BFAR: variants seen among roughly 807,000 people sequenced by gnomAD.
BFAR encodes the protein bifunctional apoptosis regulator.
Under a neutral mutation model 54.4 loss-of-function variants are expected in BFAR, and 52 were observed. That is an observed-to-expected ratio of 0.96 (90% CI 0.77 to 1.21). The LOEUF is 1.21. BFAR is among the 50% of genes most tolerant of loss of function. The probability of loss-of-function intolerance (pLI) is 0.00; values close to 1 mark genes in which losing one functional copy is unlikely to be tolerated. For synonymous variants in BFAR, 215 were observed against 204.3 expected (o/e 1.05, Z -0.45); for missense variants, 571 against 534.0 (o/e 1.07, Z -0.68).
chr16:14,655,927 G>A (rs948456954), intron 5 of BFAR, among the ~76,000 whole-genome samples: 2 of 152,056 alleles, frequency 1.3e-5, no homozygotes, highest in African/African-American at 2.4e-5. Flanking sequence ...GTGAGGCTCT[G>A]GGCTGGTCAC....
intron 5 of BFAR, 140 bp downstream of exon 5, chr16:14,655,350 CCTT>C (rs1298404007): frequency 1.3e-5 from 10 of 785,224 alleles, no homozygotes; most frequent in East Asian, 1.1e-4. Context: ...GAGACAGAGT[CCTT>C]CTCTGTCGCC....
At chr16:14,664,846 G>A (rs1455536870) in intron 6 of BFAR, 23 bp from the exon 7 acceptor site, 1 of 1,598,880 alleles carries the variant, frequency 6.3e-7, no homozygotes, top group Admixed American at 1.7e-5. Context: ...ATGACTTTTT[G>A]CGTCTGTGTG....
intron 4 of BFAR, among the ~76,000 whole-genome samples, chr16:14,652,606 A>T (rs1294665892): frequency 6.6e-6 from 1 of 152,036 alleles, no homozygotes; most frequent in African/African-American, 2.4e-5. Context: ...TTTTAAAAAA[A>T]TAATAACTAT....
At chr16:14,642,460 A>T (rs773514083) in intron 1 of BFAR, among the ~76,000 whole-genome samples, 1 of 152,196 alleles carries the variant, frequency 6.6e-6, no homozygotes, top group Non-Finnish European at 1.5e-5. Flanking sequence ...ATTTAAAAAA[A>T]TTTTTAAAAA....
intron 4 of BFAR, among the ~76,000 whole-genome samples, chr16:14,654,491 T>C (rs1960064714): frequency 6.9e-6 from 1 of 145,444 alleles, no homozygotes; most frequent in Admixed American, 7.3e-5. Flanking sequence ...AAGTGAGTTT[T>C]CCTTTTTTTT....
intron 1 of BFAR, among the ~76,000 whole-genome samples, chr16:14,636,917 C>T (rs12444327): frequency 3.3e-5 from 5 of 152,270 alleles, no homozygotes; most frequent in South Asian, 2.1e-4. Flanking sequence ...TTGTACCGCC[C>T]GTAATCCATT....
At chr16:14,667,092 A>G (rs548046923) in intron 7 of BFAR, among the ~76,000 whole-genome samples, 1 of 152,102 alleles carries the variant, frequency 6.6e-6, no homozygotes, top group African/African-American at 2.4e-5. Context: ...AGTCCCAGCT[A>G]CTCGGGAGGT....
chr16:14,639,074 G>T (rs780167506), intron 1 of BFAR, among the ~76,000 whole-genome samples: 35 of 152,116 alleles, frequency 2.3e-4, no homozygotes, highest in Admixed American at 9.2e-4. Context: ...AGCAAACAGG[G>T]TGCCACTGCC....
chr16:14,650,344 A>G (rs754108170), intron 4 of BFAR: 2 of 168,996 alleles, frequency 1.2e-5, no homozygotes, highest in Non-Finnish European at 2.5e-5. Flanking sequence ...AGAGAGAGAG[A>G]GAGATGTAAT....
chr16:14,661,945 C>G lies in BFAR; in HGVS notation c.837C>G (p.Pro279=). The G allele has an allele frequency of 6.2e-7, 1 of 1,614,170 alleles. No homozygotes were observed. Among genetic ancestry groups the G allele is most frequent in the Non-Finnish European group, 8.5e-7 (1 of 1,180,036 alleles). Residue 279 remains proline (P), a synonymous_variant, in exon 6 of 8, where the codon CCC becomes CCG. Coordinates refer to ENST00000261658, the MANE Select transcript of BFAR (RefSeq NM_016561.3). ...TGCTATACGCCCTCAAGAGCTCCCC[C>G]AGGCTGAGTCTGCTCTACCTGTACC... ...LFLLYALKSS[P]RLSLLYLYLF...
intron 2 of BFAR, among the ~76,000 whole-genome samples, chr16:14,648,131 G>T (rs1290876660): frequency 2.0e-5 from 3 of 152,088 alleles, no homozygotes; most frequent in African/African-American, 4.8e-5. Context: ...GGTGAGCCAA[G>T]ATCACGCCAT....
intron 4 of BFAR, among the ~76,000 whole-genome samples, chr16:14,654,403 G>A (rs1258346905): frequency 6.6e-6 from 1 of 151,624 alleles, no homozygotes; most frequent in Non-Finnish European, 1.5e-5. Context: ...TGAGAGGTCA[G>A]AGCGTATAAC....
At chr16:14,651,835 G>A (rs565878771) in intron 4 of BFAR, among the ~76,000 whole-genome samples, 2 of 150,656 alleles carry the variant, frequency 1.3e-5, no homozygotes, top group South Asian at 2.1e-4. Context: ...TAGAGTGAAA[G>A]GAGAGCAGGA....
intron 7 of BFAR, among the ~76,000 whole-genome samples, chr16:14,666,840 T>C (rs910422146): frequency 6.6e-6 from 1 of 152,220 alleles, no homozygotes; most frequent in African/African-American, 2.4e-5. Context: ...GGTTCTCTCC[T>C]GGGCATGGCA....
intron 5 of BFAR, among the ~76,000 whole-genome samples, chr16:14,659,403 G>A (rs1230590372): frequency 6.6e-6 from 1 of 151,312 alleles, no homozygotes; most frequent in East Asian, 1.9e-4. Flanking sequence ...CACCACACCG[G>A]CTAATTTTTT....
At chr16:14,637,568 C>T (rs1211171726) in intron 1 of BFAR, among the ~76,000 whole-genome samples, 1 of 152,196 alleles carries the variant, frequency 6.6e-6, no homozygotes, top group Admixed American at 6.5e-5. Context: ...GGTGCAATGG[C>T]TCACGCCTGT....
chr16:14,641,188 A>G lies in BFAR; in HGVS notation c.-73-3086A>G, dbSNP rs562998455. ...GTTATGATTTCCTAAACACAAGTGT[A>G]TCCATATGAATGGAGCACCAGGGGT... On this transcript the variant is annotated intron_variant, in intron 1 of 7. Transcript: ENST00000261658. 2.0e-5 allele frequency among the ~76,000 whole-genome samples: 3 copies of G among 152,336 alleles called. No homozygotes were observed. In the East Asian group the frequency reaches 5.8e-4, roughly 29 times the overall value.
intron 1 of BFAR, among the ~76,000 whole-genome samples, chr16:14,641,163 G>A (rs1959613329): frequency 6.6e-6 from 1 of 152,208 alleles, no homozygotes; most frequent in East Asian, 1.9e-4. Flanking sequence ...GTAAATAACA[G>A]TTATGATTTC....
intron 5 of BFAR, among the ~76,000 whole-genome samples, chr16:14,657,218 T>G (rs1018743579): frequency 6.6e-6 from 1 of 152,084 alleles, no homozygotes; most frequent in African/African-American, 2.4e-5. Flanking sequence ...TGTTTGTTAT[T>G]TTTTGTGTTA....
Sources: gnomAD v4.1 joint callset for allele counts (sites outside exome capture counted in the v4.1 genomes callset) on GRCh38, gnomAD v4.1.1 for gene constraint, MANE v1.5 for transcripts, NCBI Gene and HGNC (gene_info 2026-07-23, HGNC 2026-07-21) for gene names.